CHEK2: variants seen among roughly 807,000 people sequenced by gnomAD.
CHEK2 encodes the protein checkpoint kinase 2, also known as serine/threonine-protein kinase Chk2.
In CHEK2, 71 loss-of-function variants were observed where a neutral mutation model predicts 69.1. The observed-to-expected ratio is 1.03, with a 90% CI of 0.85 to 1.25. CHEK2 has a LOEUF of 1.25. CHEK2 is among the 50% of genes most tolerant of loss of function. CHEK2 has a pLI of 0.00. For missense variants in CHEK2, 664 were observed against 649.6 expected (o/e 1.02, Z -0.24); for synonymous variants, 189 against 226.9 (o/e 0.83, Z 1.50).
In CHEK2 at chr22:28,710,028, T is replaced by C; in HGVS notation, c.824A>G (p.Glu275Gly). ...TACATGATTTAGCTTTTTCAAAATT[T>C]CTATTTCTGTTTCAACATTGAGAGC... ...DPALNVETEI[E>G]ILKKLNHPCI... The change falls in exon 7 of 15, where the codon GAA becomes GGA. Residue 275 changes from glutamate to glycine, a missense_variant. Glu to Gly is a moderately conservative substitution (Grantham distance 98, BLOSUM62 -2). Coordinates refer to ENST00000404276, the MANE Select transcript of CHEK2 (RefSeq NM_007194.4). 6.4e-7 allele frequency: 1 copy of C among 1,554,828 alleles called. No individual in the cohort carries two copies. The highest frequency in any genetic ancestry group is 8.9e-7 in the Non-Finnish European group (1 of 1,128,312).
chr22:28,721,283 T>TG (rs2053767488), intron 4 of CHEK2, among the ~76,000 whole-genome samples: 1 of 140,478 alleles, frequency 7.1e-6, no homozygotes, highest in Non-Finnish European at 1.5e-5. Context: ...TTGTTTGGGT[T>TG]TTTTTTTTTT....
intron 5 of CHEK2, among the ~76,000 whole-genome samples, chr22:28,717,776 G>A (rs890392960): frequency 3.3e-5 from 5 of 152,166 alleles, no homozygotes; most frequent in Admixed American, 2.6e-4. Context: ...CTACCTGGGA[G>A]GCTGAGGCAG....
intron 5 of CHEK2, among the ~76,000 whole-genome samples, chr22:28,717,020 T>A (rs1404637866): frequency 4.6e-5 from 7 of 152,116 alleles, no homozygotes; most frequent in Non-Finnish European, 8.8e-5. Context: ...GTTAAAAAAA[T>A]TTTGCAAAAA....
At chr22:28,701,404 G>T (rs2052841303) in intron 8 of CHEK2, among the ~76,000 whole-genome samples, 1 of 151,896 alleles carries the variant, frequency 6.6e-6, no homozygotes, top group Non-Finnish European at 1.5e-5. Context: ...TAGAGACGGG[G>T]TTTTGCCATG....
chr22:28,696,828 T>C, intron 10 of CHEK2, 73 bp downstream of exon 10: 1 of 1,012,266 alleles, frequency 9.9e-7, no homozygotes, highest in African/African-American at 1.6e-5. Context: ...GCTCCCACTT[T>C]TTATTTGAGG....
At position 28,722,539 on chromosome 22, in the gene CHEK2, C is replaced by CAA. The variant is rs755107963; in HGVS notation, c.592+2436_592+2437dup. Among the ~76,000 whole-genome samples the CAA allele has an allele frequency of 1.8e-3, 119 of 67,884 alleles. 1 individual carries two copies. The highest frequency in any genetic ancestry group is 0.011 in the East Asian group (31 of 2,900). 44.5% of individuals were successfully genotyped at this position (67,884 alleles called of 152,430 possible). A position where few individuals can be genotyped will look rare whatever the true frequency, so the allele number is the denominator to read the frequency against. On this transcript the variant is annotated intron_variant, in intron 4 of 14. Transcript: ENST00000404276. ...TGGGCGATAGAGCCAGACTCCGTCT[C>CAA]AAAAAAAAAAAAAAAAAAAAGAAAA...
At chr22:28,699,652 G>A (rs868130199) in intron 9 of CHEK2, 186 bp downstream of exon 9, 21 of 610,164 alleles carry the variant, frequency 3.4e-5, no homozygotes, top group South Asian at 2.6e-4. Context: ...ATGAACCACC[G>A]CGCCTCGCCA....
chr22:28,706,609 G>GT (rs2053153486), intron 7 of CHEK2, among the ~76,000 whole-genome samples: 1 of 151,950 alleles, frequency 6.6e-6, no homozygotes, highest in Non-Finnish European at 1.5e-5. Flanking sequence ...ATGCACGGCT[G>GT]TAAAAAGTAC....
In CHEK2 at chr22:28,695,712, G is replaced by C. The variant is rs2145800877; in HGVS notation, c.1257C>G (p.Ile419Met). Residue 419 changes from isoleucine (I) to methionine (M), a missense_variant and splice_region_variant, in exon 11 of 15, where the codon ATC becomes ATG. Transcript: ENST00000404276. ...DCWSLGVILFICLSGYPPFSE... is the reference protein window; with the variant it reads ...DCWSLGVILFMCLSGYPPFSE... ...GCAGCAATGAAAATATTTCTTACCA[G>C]ATAAAAAGAATAACTCCTAAACTCC... is the stretch of plus-strand genomic sequence containing the variant. The C allele has an allele frequency of 6.2e-7, 1 of 1,612,888 alleles. No individual in the cohort carries two copies.
chr22:28,715,629 C>T (rs947901138), intron 5 of CHEK2, among the ~76,000 whole-genome samples: 1 of 151,778 alleles, frequency 6.6e-6, no homozygotes, highest in East Asian at 1.9e-4. Context: ...TGTGTCAGCC[C>T]GGCTGGTCTC....
chr22:28,733,072 G>A (rs998334653), intron 2 of CHEK2, among the ~76,000 whole-genome samples: 8 of 152,078 alleles, frequency 5.3e-5, no homozygotes, highest in African/African-American at 1.4e-4. Flanking sequence ...GATTACAGGC[G>A]TGAGCCACCA....
rs2052221162 is a variant in CHEK2, at chr22:28,688,661, T to A, written c.1542+474A>T. Reference sequence around the variant, plus strand: ...TCCGGCCTGAGTGACAAACCAAGACTCTGTCTCAAGAAAAAAAAAATTGGG... The same window carrying A: ...TCCGGCCTGAGTGACAAACCAAGACACTGTCTCAAGAAAAAAAAAATTGGG... On this transcript the variant is annotated intron_variant, in intron 14 of 14. Transcript: ENST00000404276. 2.0e-5 allele frequency among the ~76,000 whole-genome samples: 3 copies of A among 150,888 alleles called. 1 individual carries two copies. In the South Asian group the frequency reaches 6.3e-4, roughly 32 times the overall value.
At chr22:28,726,567 TAA>T (rs1389840404) in intron 2 of CHEK2, among the ~76,000 whole-genome samples, 1 of 145,770 alleles carries the variant, frequency 6.9e-6, no homozygotes, top group Non-Finnish European at 1.5e-5. Flanking sequence ...AAATATATAA[TAA>T]TATATAATAT....
At chr22:28,709,690 C>T (rs1310153937) in intron 7 of CHEK2, among the ~76,000 whole-genome samples, 1 of 152,090 alleles carries the variant, frequency 6.6e-6, no homozygotes, top group African/African-American at 2.4e-5. Context: ...GATCTTGGCT[C>T]ACTGCAATCT....
chr22:28,703,407 C>G (rs1485701928), intron 8 of CHEK2, 98 bp downstream of exon 8: 1 of 723,556 alleles, frequency 1.4e-6, no homozygotes, highest in Admixed American at 2.2e-5. Context: ...TACGTTGAGG[C>G]CCCCCAGGAT....
intron 12 of CHEK2, 132 bp downstream of exon 12, chr22:28,694,995 G>C: frequency 1.5e-6 from 1 of 675,524 alleles, no homozygotes; most frequent in South Asian, 1.5e-5. Flanking sequence ...CTCTCAAATG[G>C]TGTGAAACTA....
intron 4 of CHEK2, among the ~76,000 whole-genome samples, 155 bp from the exon 5 acceptor site, chr22:28,719,640 G>C (rs1409848260): frequency 6.6e-6 from 1 of 152,094 alleles, no homozygotes; most frequent in Non-Finnish European, 1.5e-5. Context: ...TAATATAATA[G>C]GTATTAGTGG....
intron 1 of CHEK2, among the ~76,000 whole-genome samples, chr22:28,741,157 A>G (rs2054544912): frequency 6.6e-6 from 1 of 151,516 alleles, no homozygotes; most frequent in African/African-American, 2.4e-5. Flanking sequence ...TCAAAAAAAA[A>G]AAAAAAAAAA....
In CHEK2 at chr22:28,710,361, A is replaced by T. The variant is rs17881138; in HGVS notation, c.793-302T>A. Among the ~76,000 whole-genome samples the T allele has an allele frequency of 0.018, 2,792 of 152,352 alleles. 87 individuals carry two copies. The highest frequency in any genetic ancestry group is 0.064 in the African/African-American group (2,649 of 41,584). On this transcript the variant is annotated intron_variant, in intron 6 of 14. Coordinates refer to ENST00000404276, the MANE Select transcript of CHEK2 (RefSeq NM_007194.4). The stretch of plus-strand genomic sequence containing the variant: ...CTTACAGATGGGGCAACCAAGGCTC[A>T]GAAAACAGAAGCCACTTGCCCTAGT...
Sources: gnomAD v4.1 joint callset for allele counts (sites outside exome capture counted in the v4.1 genomes callset) on GRCh38, gnomAD v4.1.1 for gene constraint, MANE v1.5 for transcripts, NCBI Gene and HGNC (gene_info 2026-07-23, HGNC 2026-07-21) for gene names.